Variants in CLSTN2 observed in about 807,000 individuals in gnomAD.
CLSTN2 encodes calsyntenin 2.
In CLSTN2, 48 loss-of-function variants were observed where a neutral mutation model predicts 101.2. The observed-to-expected ratio is 0.47, with a 90% CI of 0.38 to 0.60. The LOEUF (loss-of-function observed/expected upper bound fraction) is 0.60, where lower values mean the gene tolerates loss of function less well. Among genes scored for constraint, CLSTN2 ranks in the 20% least tolerant of loss-of-function variants. The probability of loss-of-function intolerance (pLI) is 0.00; values close to 1 mark genes in which losing one functional copy is unlikely to be tolerated. For missense variants in CLSTN2, 1,160 were observed against 1,238.2 expected, an observed-to-expected ratio of 0.94 and a Z score of 0.95; for synonymous variants, 481 against 463.6, an observed-to-expected ratio of 1.04 and a Z score of -0.48.
chr3:140,111,481 T>C (rs1234151864), intron 1 of CLSTN2, among the ~76,000 whole-genome samples: 1 of 152,018 alleles, frequency 6.6e-6, no homozygotes, highest in Non-Finnish European at 1.5e-5. Context: ...TGAAGCCAAG[T>C]GGTGGAGGAG....
chr3:140,362,285 C>T (rs891714494), intron 2 of CLSTN2, among the ~76,000 whole-genome samples: 3 of 152,020 alleles, frequency 2.0e-5, no homozygotes, highest in Non-Finnish European at 4.4e-5. Flanking sequence ...TAGACCCTTA[C>T]CTCACAAAAG....
chr3:140,427,185 AT>A (rs67146163), intron 5 of CLSTN2, among the ~76,000 whole-genome samples: 12,305 of 82,626 alleles, frequency 0.15, 958 homozygotes, highest in African/African-American at 0.27. Context: ...AAAAAAAAAA[AT>A]ATATATATAT....
chr3:140,485,450 G>T (rs928155445), intron 8 of CLSTN2, among the ~76,000 whole-genome samples: 92 of 152,216 alleles, frequency 6.0e-4, no homozygotes, highest in African/African-American at 2.2e-3. Flanking sequence ...ATCTCAAGCT[G>T]TGTGCTGGGA....
At chr3:140,109,886 T>C (rs1162184377) in intron 1 of CLSTN2, among the ~76,000 whole-genome samples, 1 of 152,144 alleles carries the variant, frequency 6.6e-6, no homozygotes, top group Non-Finnish European at 1.5e-5. Flanking sequence ...CATGCTCCTC[T>C]CTGTGGCTTG....
At chr3:140,105,714 G>C (rs911088581) in intron 1 of CLSTN2, among the ~76,000 whole-genome samples, 1 of 152,186 alleles carries the variant, frequency 6.6e-6, no homozygotes, top group African/African-American at 2.4e-5. Flanking sequence ...TCCAATGACT[G>C]TAAGATAGAG....
At chr3:140,340,883 G>T (rs1023370929) in intron 2 of CLSTN2, among the ~76,000 whole-genome samples, 1 of 152,162 alleles carries the variant, frequency 6.6e-6, no homozygotes, top group Non-Finnish European at 1.5e-5. Context: ...ATACTGGTCA[G>T]GTATTTCGAA....
At chr3:140,194,446 G>GGGGGACAT (rs1454524516) in intron 2 of CLSTN2, among the ~76,000 whole-genome samples, 1 of 152,038 alleles carries the variant, frequency 6.6e-6, no homozygotes, top group Non-Finnish European at 1.5e-5. Context: ...TGAGGAAATG[G>GGGGGACAT]GGGGACATAA....
chr3:140,427,225 G>GTATATA (rs1559866760), intron 5 of CLSTN2, among the ~76,000 whole-genome samples: 25 of 67,090 alleles, frequency 3.7e-4, no homozygotes, highest in African/African-American at 1.6e-3. Flanking sequence ...ATATATATAT[G>GTATATA]TGTGTATATA....
At chr3:140,513,497 G>A (rs1333089811) in intron 8 of CLSTN2, among the ~76,000 whole-genome samples, 1 of 151,438 alleles carries the variant, frequency 6.6e-6, no homozygotes, top group Non-Finnish European at 1.5e-5. Flanking sequence ...ATGTGCTGCT[G>A]TATTCAGTCT....
At chr3:140,152,501 G>T (rs954406997) in intron 1 of CLSTN2, among the ~76,000 whole-genome samples, 6 of 152,086 alleles carry the variant, frequency 3.9e-5, no homozygotes, top group Non-Finnish European at 5.9e-5. Context: ...GTATAATTGG[G>T]CAATTATTAG....
intron 2 of CLSTN2, among the ~76,000 whole-genome samples, chr3:140,216,385 G>A (rs976132084): frequency 4.6e-5 from 7 of 152,172 alleles, no homozygotes; most frequent in African/African-American, 1.7e-4. Context: ...TAACGTGGGG[G>A]CTTCTCAGGA....
chr3:140,048,650 G>A (rs78581162), intron 1 of CLSTN2, among the ~76,000 whole-genome samples: 1 of 152,192 alleles, frequency 6.6e-6, no homozygotes, highest in Non-Finnish European at 1.5e-5. Flanking sequence ...TATAGCTAGA[G>A]AGTAGAAGAG....
chr3:140,038,309 C>CT (rs890751480), intron 1 of CLSTN2, among the ~76,000 whole-genome samples: 9 of 151,916 alleles, frequency 5.9e-5, no homozygotes, highest in East Asian at 1.9e-4. Context: ...TGATGTTGAG[C>CT]TTTTTTTTAT....
At chr3:140,304,174 C>T (rs181016156) in intron 2 of CLSTN2, among the ~76,000 whole-genome samples, 18 of 152,160 alleles carry the variant, frequency 1.2e-4, no homozygotes, top group South Asian at 4.2e-4. Context: ...TTGAATTTTC[C>T]GATAACTGTG....
At chr3:139,993,046 C>T (rs1393408729) in intron 1 of CLSTN2, among the ~76,000 whole-genome samples, 1 of 152,126 alleles carries the variant, frequency 6.6e-6, no homozygotes, top group East Asian at 1.9e-4. Context: ...GGAAAGAGGG[C>T]TGATTGGTCA....
At chr3:140,336,397 G>A (rs939206014) in intron 2 of CLSTN2, among the ~76,000 whole-genome samples, 1 of 152,212 alleles carries the variant, frequency 6.6e-6, no homozygotes, top group Non-Finnish European at 1.5e-5. Flanking sequence ...CAGGGCAACA[G>A]AGAAGGAGAT....
At chr3:140,088,855 C>T (rs1004216590) in intron 1 of CLSTN2, among the ~76,000 whole-genome samples, 2 of 152,234 alleles carry the variant, frequency 1.3e-5, no homozygotes, top group African/African-American at 4.8e-5. Flanking sequence ...GTCACATTCT[C>T]ATATTTTCTT....
chr3:140,353,114 G>A (rs1347114003), intron 2 of CLSTN2, among the ~76,000 whole-genome samples: 1 of 151,974 alleles, frequency 6.6e-6, no homozygotes, highest in Non-Finnish European at 1.5e-5. Context: ...AGGAGGATGT[G>A]CATAGGTTAT....
At chr3:140,456,160 C>A (rs1265014154) in intron 6 of CLSTN2, among the ~76,000 whole-genome samples, 5 of 152,166 alleles carry the variant, frequency 3.3e-5, no homozygotes, top group Admixed American at 3.3e-4. Context: ...TGACTGTGTG[C>A]TTTTGGTCCA....
Sources: allele counts gnomAD v4.1 joint callset (sites outside exome capture counted in the v4.1 genomes callset), GRCh38; gene constraint gnomAD v4.1.1; transcripts MANE v1.5; gene names NCBI Gene and HGNC (gene_info 2026-07-23, HGNC 2026-07-21).